Variants in LRRIQ3 observed in about 807,000 individuals in gnomAD.
LRRIQ3 encodes leucine-rich repeat and IQ domain-containing protein 3.
Under a neutral mutation model 59.3 loss-of-function variants are expected in LRRIQ3, and 75 were observed. The ratio of observed to expected loss-of-function variants is 1.26; its 90% CI spans 1.05 to 1.53. LRRIQ3 has a LOEUF of 1.53. Ranked by LOEUF, LRRIQ3 falls within the 40% of genes most tolerant of loss-of-function variation. LRRIQ3 has a pLI of 0.00. For missense variants in LRRIQ3, 831 were observed against 710.0 expected, an observed-to-expected ratio of 1.17 and a Z score of -1.94; for synonymous variants, 250 against 231.3, an observed-to-expected ratio of 1.08 and a Z score of -0.73.
intron 4 of LRRIQ3, among the ~76,000 whole-genome samples, chr1:74,150,525 T>C (rs1647864678): frequency 6.6e-6 from 1 of 152,166 alleles, no homozygotes; most frequent in African/African-American, 2.4e-5. Context: ...CCAATATGTA[T>C]ATTAATGTAT....
At chr1:74,090,874 A>C (rs569457660) in intron 5 of LRRIQ3, among the ~76,000 whole-genome samples, 31 of 152,236 alleles carry the variant, frequency 2.0e-4, no homozygotes, top group South Asian at 1.2e-3. Context: ...AGCCTGGGCA[A>C]CAAACAGAGT....
At chr1:74,072,484 T>C (rs1479984818) in intron 6 of LRRIQ3, among the ~76,000 whole-genome samples, 2 of 151,926 alleles carry the variant, frequency 1.3e-5, no homozygotes, top group East Asian at 3.9e-4. Context: ...AAAATGCTTT[T>C]GTGCTCATAT....
chr1:74,182,615 G>C lies in LRRIQ3; in HGVS notation c.496C>G (p.Gln166Glu), dbSNP rs763948467. 3 of 1,608,942 alleles carry C rather than the reference G, an allele frequency of 1.9e-6. No homozygotes were observed. The highest frequency in any genetic ancestry group is 2.5e-6 in the Non-Finnish European group (3 of 1,177,248). Residue 166 changes from glutamine (Q) to glutamate (E), a missense_variant, in exon 3 of 8, where the codon CAG (glutamine) becomes GAG (glutamate). By Grantham distance (29) the Gln-to-Glu change is conservative (BLOSUM62 2). Transcript: ENST00000354431. ...AATCTTTCAGGAAGATGCCAGTTCTGAATTATTTCTTCATCAGAAATCACA... is the reference window on the plus strand; with the variant it reads ...AATCTTTCAGGAAGATGCCAGTTCTCAATTATTTCTTCATCAGAAATCACA... Reference protein sequence around the residue: ...HHVISDEEIIQNWHLPERFKA... With the variant: ...HHVISDEEIIENWHLPERFKA...
chr1:74,056,011 G>C (rs1393460492), intron 6 of LRRIQ3, among the ~76,000 whole-genome samples: 3 of 151,686 alleles, frequency 2.0e-5, no homozygotes, highest in African/African-American at 4.8e-5. Context: ...CGGGTGTGGT[G>C]GTGGGTGCCT....
intron 1 of LRRIQ3, among the ~76,000 whole-genome samples, chr1:74,195,049 C>T (rs1651016066): frequency 6.6e-6 from 1 of 151,916 alleles, no homozygotes; most frequent in Non-Finnish European, 1.5e-5. Context: ...AATAAAAGTT[C>T]AGGGGTGGGA....
intron 5 of LRRIQ3, chr1:74,078,852 A>G (rs546366092): frequency 1.3e-5 from 2 of 152,024 alleles, no homozygotes; most frequent in African/African-American, 4.8e-5. Flanking sequence ...TCCACTATCC[A>G]TCTTCTTCAT....
At chr1:74,087,659 G>A (rs1646343579) in intron 5 of LRRIQ3, among the ~76,000 whole-genome samples, 1 of 151,880 alleles carries the variant, frequency 6.6e-6, no homozygotes, top group Non-Finnish European at 1.5e-5. Context: ...TATCTGTATT[G>A]ATACTTATAT....
intron 6 of LRRIQ3, among the ~76,000 whole-genome samples, chr1:74,045,455 G>A (rs184707559): frequency 5.3e-5 from 8 of 151,946 alleles, no homozygotes; most frequent in Non-Finnish European, 8.8e-5. Context: ...TTGATGGAAC[G>A]TATCTCAAAA....
intron 4 of LRRIQ3, among the ~76,000 whole-genome samples, chr1:74,154,238 C>A (rs12759307): frequency 2.9e-5 from 1 of 34,696 alleles, no homozygotes; most frequent in Non-Finnish European, 4.6e-5. Context: ...GAGACTCCTT[C>A]TCAAAAAAAA....
intron 1 of LRRIQ3, 27 bp from the exon 2 acceptor site, chr1:74,183,711 T>C (rs1450077624): frequency 2.2e-6 from 3 of 1,391,690 alleles, no homozygotes; most frequent in African/African-American, 1.5e-5. Context: ...AGTGCTTTGA[T>C]TTTTTTTTCC....
At chr1:74,049,461 A>T (rs1170642050) in intron 6 of LRRIQ3, among the ~76,000 whole-genome samples, 2 of 152,198 alleles carry the variant, frequency 1.3e-5, no homozygotes, top group Admixed American at 6.5e-5. Context: ...AAAGCAATAA[A>T]TTCACAGAGA....
chr1:74,198,161 C>T lies in LRRIQ3; in HGVS notation c.-166G>A. 1 of 1,516,334 alleles carries T rather than the reference C, an allele frequency of 6.6e-7. No individual in the cohort carries two copies. Among genetic ancestry groups the T allele is most frequent in the Non-Finnish European group, 8.8e-7 (1 of 1,134,810 alleles). 93.9% of individuals were successfully genotyped at this position (1,516,334 alleles called of 1,614,324 possible). ...GGTTTTCCGGGCGCCAGCCAAGGCGCTCCGGGGGCGTGGTTACGTGGGCGA... is the reference window on the plus strand; with the variant it reads ...GGTTTTCCGGGCGCCAGCCAAGGCGTTCCGGGGGCGTGGTTACGTGGGCGA... On this transcript the variant is annotated 5_prime_UTR_variant, in exon 1 of 8. Transcript: ENST00000354431.
At chr1:74,047,572 C>T (rs1023743167) in intron 6 of LRRIQ3, among the ~76,000 whole-genome samples, 2 of 151,716 alleles carry the variant, frequency 1.3e-5, no homozygotes, top group African/African-American at 4.8e-5. Flanking sequence ...GCACATGTAC[C>T]CCAGAAATTA....
Position 74,112,063 on chromosome 1 carries a change from A to G in LRRIQ3, c.708-2510T>C, listed in dbSNP as rs988239560. Among the ~76,000 whole-genome samples, 13 of 152,224 alleles carry G rather than the reference A, an allele frequency of 8.5e-5. No individual in the cohort carries two copies. The East Asian group carries it at 1.7e-3, about 20-fold the overall frequency. On this transcript the variant is annotated intron_variant, in intron 4 of 7. Transcript: ENST00000354431. ...GTAGCCCTTACTCCAGATCACTTGT[A>G]AGATAGCGATTCTGAGACAGGTGAG...
At chr1:74,129,672 C>G (rs765390251) in intron 4 of LRRIQ3, among the ~76,000 whole-genome samples, 2 of 152,020 alleles carry the variant, frequency 1.3e-5, no homozygotes, top group African/African-American at 2.4e-5. Context: ...ATAGCCACCA[C>G]AGCTGGAAAT....
At chr1:74,158,033 A>G (rs1648444027) in intron 3 of LRRIQ3, among the ~76,000 whole-genome samples, 1 of 152,098 alleles carries the variant, frequency 6.6e-6, no homozygotes, top group Admixed American at 6.6e-5. Flanking sequence ...CCCTGGAACC[A>G]TCCTAGGTTC....
chr1:74,147,973 T>C (rs1647683912), intron 4 of LRRIQ3, among the ~76,000 whole-genome samples: 1 of 152,246 alleles, frequency 6.6e-6, no homozygotes, highest in African/African-American at 2.4e-5. Flanking sequence ...ATTGCTTTTC[T>C]GATATCTTTG....
intron 6 of LRRIQ3, among the ~76,000 whole-genome samples, chr1:74,051,315 A>G (rs1018849185): frequency 7.2e-5 from 11 of 152,202 alleles, no homozygotes; most frequent in African/African-American, 2.7e-4. Context: ...CAAATTGCTT[A>G]AAACATTGCT....
chr1:74,154,240 C>CAAAAAAAAAAAAAA lies in LRRIQ3; in HGVS notation c.707+1479_707+1492dup, dbSNP rs71078186. On this transcript the variant is annotated intron_variant, in intron 4 of 7. Coordinates refer to ENST00000354431, the MANE Select transcript of LRRIQ3 (RefSeq NM_001105659.2). Reference sequence around the variant, plus strand: ...TGGGCGACAGAGCGAGACTCCTTCTCAAAAAAAAAAAAAAAAAAAAAAAAA... The same window carrying CAAAAAAAAAAAAAA: ...TGGGCGACAGAGCGAGACTCCTTCTCAAAAAAAAAAAAAAAAAAAAAAAAAAAAAAAAAAAAAAA... 5.1e-4 allele frequency among the ~76,000 whole-genome samples: 29 copies of CAAAAAAAAAAAAAA among 57,274 alleles called. 1 individual carries two copies. The highest frequency in any genetic ancestry group is 7.6e-4 in the South Asian group (1 of 1,310). The allele number at this position is 57,274 out of a possible 152,430, so 37.6% of individuals were successfully genotyped here.
Sources: gnomAD v4.1 joint callset for allele counts (sites outside exome capture counted in the v4.1 genomes callset) on GRCh38, gnomAD v4.1.1 for gene constraint, MANE v1.5 for transcripts, NCBI Gene and HGNC (gene_info 2026-07-23, HGNC 2026-07-21) for gene names.